CNTNAP5: variants seen among roughly 807,000 people sequenced by gnomAD.
The protein encoded by CNTNAP5 is contactin-associated protein-like 5.
In CNTNAP5, 72 loss-of-function variants were observed where a neutral mutation model predicts 150.2. The observed-to-expected ratio is 0.48, with a 90% CI of 0.40 to 0.58. The LOEUF is 0.58. Ranked by LOEUF, CNTNAP5 falls within the 20% of genes least tolerant of loss-of-function variation. CNTNAP5 has a pLI of 0.00. For missense variants in CNTNAP5, 1,636 were observed against 1,626.2 expected, an observed-to-expected ratio of 1.01 and a Z score of -0.10; for synonymous variants, 672 against 619.8, an observed-to-expected ratio of 1.08 and a Z score of -1.25.
intron 1 of CNTNAP5, among the ~76,000 whole-genome samples, chr2:124,220,505 A>C (rs1329869376): frequency 6.6e-6 from 1 of 152,156 alleles, no homozygotes; most frequent in Non-Finnish European, 1.5e-5. Flanking sequence ...CCAATGGAAA[A>C]TACAAACAGA....
chr2:124,509,069 G>C (rs1353613217), intron 8 of CNTNAP5, among the ~76,000 whole-genome samples: 5 of 152,166 alleles, frequency 3.3e-5, no homozygotes, highest in African/African-American at 4.8e-5. Flanking sequence ...GTTTATTTGA[G>C]ACTAGTTCTA....
In CNTNAP5 at chr2:124,916,826, T is replaced by C. The variant is rs1214582906; in HGVS notation, c.*2538T>C. ...CAGGACAGTGCCGTCTACACGTCAC[T>C]CCTATAAGTAGTCTCAGGGCTAAAG... On this transcript the variant is annotated 3_prime_UTR_variant, in exon 24 of 24. Transcript: ENST00000682447. Among the ~76,000 whole-genome samples the C allele has an allele frequency of 6.6e-6, 1 of 152,036 alleles. No homozygotes were observed. Among genetic ancestry groups the C allele is most frequent in the East Asian group, 1.9e-4 (1 of 5,152 alleles).
At position 124,860,217 on chromosome 2, in the gene CNTNAP5, G is replaced by T. The variant is rs1169334097; in HGVS notation, c.3218-5089G>T. On this transcript the variant is annotated intron_variant, in intron 19 of 23. Coordinates refer to ENST00000682447, the MANE Select transcript of CNTNAP5 (RefSeq NM_001367498.1). The stretch of plus-strand genomic sequence containing the variant: ...TACAAAAAAATAGCCGTGCATGGTG[G>T]TGGGCGCCTGTAGTCCCAGCTACTC... Among the ~76,000 whole-genome samples, 8 of 152,068 alleles carry T rather than the reference G, an allele frequency of 5.3e-5. No individual in the cohort carries two copies. In the South Asian group the frequency reaches 1.5e-3, roughly 28 times the overall value.
chr2:124,107,236 G>C (rs1471516049), intron 1 of CNTNAP5, among the ~76,000 whole-genome samples: 1 of 152,134 alleles, frequency 6.6e-6, no homozygotes, highest in African/African-American at 2.4e-5. Flanking sequence ...AGCTGGACCT[G>C]GAATTGAGAA....
intron 3 of CNTNAP5, among the ~76,000 whole-genome samples, chr2:124,248,566 C>T (rs1378078991): frequency 1.3e-5 from 2 of 152,234 alleles, no homozygotes; most frequent in Non-Finnish European, 2.9e-5. Context: ...CCAGCTTCAG[C>T]AGGCTCCCTC....
At chr2:124,072,875 A>G (rs368774742) in intron 1 of CNTNAP5, among the ~76,000 whole-genome samples, 3 of 152,042 alleles carry the variant, frequency 2.0e-5, no homozygotes, top group African/African-American at 7.2e-5. Flanking sequence ...ACTTACATAT[A>G]ATTACAAAAG....
intron 19 of CNTNAP5, among the ~76,000 whole-genome samples, chr2:124,811,448 T>C (rs556808613): frequency 6.6e-6 from 1 of 152,236 alleles, no homozygotes; most frequent in South Asian, 2.1e-4. Flanking sequence ...ATAAAGAAAG[T>C]TGTTTACAGT....
intron 19 of CNTNAP5, among the ~76,000 whole-genome samples, chr2:124,812,932 TGA>T (rs1401470001): frequency 2.6e-5 from 4 of 152,202 alleles, no homozygotes; most frequent in Non-Finnish European, 4.4e-5. Flanking sequence ...TTACAGAGTT[TGA>T]CTTTTCATTG....
intron 11 of CNTNAP5, among the ~76,000 whole-genome samples, chr2:124,581,233 C>T (rs1696404644): frequency 6.6e-6 from 1 of 152,124 alleles, no homozygotes. Context: ...GAACATGAGT[C>T]TTTATTAGCA....
At chr2:124,540,286 C>T (rs1484690904) in intron 10 of CNTNAP5, among the ~76,000 whole-genome samples, 2 of 152,140 alleles carry the variant, frequency 1.3e-5, no homozygotes, top group Non-Finnish European at 2.9e-5. Context: ...CCAAGTAACT[C>T]TAGGTTTATA....
chr2:124,406,187 A>G (rs1691566257), intron 3 of CNTNAP5, among the ~76,000 whole-genome samples: 1 of 152,228 alleles, frequency 6.6e-6, no homozygotes, highest in South Asian at 2.1e-4. Flanking sequence ...ATTGTGGTTA[A>G]AAAACAAACT....
intron 1 of CNTNAP5, among the ~76,000 whole-genome samples, chr2:124,174,856 A>G (rs548087181): frequency 6.6e-6 from 1 of 152,334 alleles, no homozygotes; most frequent in South Asian, 2.1e-4. Flanking sequence ...TTGTTGTCCT[A>G]TTTTAAGAAA....
chr2:124,099,407 A>C (rs1683013531), intron 1 of CNTNAP5, among the ~76,000 whole-genome samples: 1 of 152,140 alleles, frequency 6.6e-6, no homozygotes, highest in South Asian at 2.1e-4. Context: ...CAAGTATTGA[A>C]ATTCTGAGGG....
chr2:124,357,171 A>T (rs182283866), intron 3 of CNTNAP5, among the ~76,000 whole-genome samples: 1 of 151,860 alleles, frequency 6.6e-6, no homozygotes, highest in African/African-American at 2.4e-5. Context: ...TTTTCTTGTA[A>T]ATTTGTTTGA....
At chr2:124,435,053 A>G (rs72966668) in intron 5 of CNTNAP5, among the ~76,000 whole-genome samples, 2,723 of 152,322 alleles carry the variant, frequency 0.018, 78 homozygotes, top group African/African-American at 0.061. Context: ...TAAGTTTCAG[A>G]GGGAAAATGA....
At chr2:124,149,221 C>T (rs72845523) in intron 1 of CNTNAP5, among the ~76,000 whole-genome samples, 13,681 of 151,896 alleles carry the variant, frequency 0.09, 904 homozygotes, top group Admixed American at 0.21. Flanking sequence ...CATTATCCTT[C>T]CAGTCATTAC....
intron 13 of CNTNAP5, among the ~76,000 whole-genome samples, chr2:124,745,273 G>C (rs1249036358): frequency 6.6e-6 from 1 of 152,190 alleles, no homozygotes; most frequent in Non-Finnish European, 1.5e-5. Context: ...CATAAACAAA[G>C]TATCTCTTGC....
In CNTNAP5 at chr2:124,911,503, C is replaced by A. The variant is rs1678654621; in HGVS notation, c.3692C>A (p.Thr1231Lys). 6.2e-7 allele frequency: 1 copy of A among 1,602,814 alleles called. No homozygotes were observed. The highest frequency in any genetic ancestry group is 8.5e-7 in the Non-Finnish European group (1 of 1,174,356). Residue 1231 changes from threonine (T) to lysine (K), a missense_variant, in exon 23 of 24, where the codon ACA (threonine) becomes AAA (lysine). Physicochemically the swap from Thr to Lys is moderately conservative, Grantham distance 78 (BLOSUM62 -1). Coordinates refer to ENST00000682447, the MANE Select transcript of CNTNAP5 (RefSeq NM_001367498.1). ...AAGACAGATGAGCGGGAACCACTCA[C>A]AAATGCTGTTCGAAGTGATTCGGCA... The part of the protein sequence containing the change: ...FGKTDEREPL[T>K]NAVRSDSAVI...
chr2:124,195,495 G>A (rs1685560788), intron 1 of CNTNAP5, among the ~76,000 whole-genome samples: 1 of 152,146 alleles, frequency 6.6e-6, no homozygotes, highest in Admixed American at 6.5e-5. Flanking sequence ...GCAAATGAGT[G>A]GACATGGCTG....
Sources: gnomAD v4.1 joint callset for allele counts (sites outside exome capture counted in the v4.1 genomes callset) on GRCh38, gnomAD v4.1.1 for gene constraint, MANE v1.5 for transcripts, NCBI Gene and HGNC (gene_info 2026-07-23, HGNC 2026-07-21) for gene names.